Variants in PIGN observed in about 807,000 individuals in gnomAD.
PIGN encodes the protein GPI ethanolamine phosphate transferase 1.
PIGN carries 117 observed loss-of-function variants against 125.4 expected under a neutral mutation model. The observed-to-expected ratio is 0.93, with a 90% CI of 0.80 to 1.09. The LOEUF (loss-of-function observed/expected upper bound fraction) is 1.09. PIGN is among the 50% of genes least tolerant of loss of function. The pLI is 0.00. For missense variants in PIGN, 1,075 were observed against 1,094.9 expected (o/e 0.98, Z 0.26); for synonymous variants, 392 against 377.8 (o/e 1.04, Z -0.44).
chr18:62,119,277 A>G (rs942179944), intron 14 of PIGN, among the ~76,000 whole-genome samples: 35 of 152,132 alleles, frequency 2.3e-4, no homozygotes, highest in African/African-American at 7.7e-4. Flanking sequence ...GACTTAACAA[A>G]CAAGACCAAT....
intron 24 of PIGN, among the ~76,000 whole-genome samples, chr18:62,089,617 C>T (rs965052628): frequency 1.4e-4 from 22 of 152,144 alleles, no homozygotes; most frequent in Admixed American, 1.2e-3. Context: ...CTCAAAACTG[C>T]TTTTCATGTA....
downstream of PIGN, among the ~76,000 whole-genome samples, chr18:62,036,706 T>C (rs890494961): frequency 6.6e-6 from 1 of 152,198 alleles, no homozygotes; most frequent in African/African-American, 2.4e-5. Flanking sequence ...GTTAGGACAT[T>C]GCATTTCAGG....
intron 14 of PIGN, among the ~76,000 whole-genome samples, chr18:62,131,968 CAAGTT>C (rs148708309): frequency 0.018 from 2,749 of 151,734 alleles, 82 homozygotes; most frequent in African/African-American, 0.062. Flanking sequence ...TGAATTTTCT[CAAGTT>C]AAGAACAGAC....
chr18:62,109,937 T>C lies in PIGN; in HGVS notation c.1471A>G (p.Ile491Val). ...SHLLPCSFVA[I>V]GILVAFFLLI... ...AGAAAAAATGCTACTAAAATGCCAA[T>C]AGCTACAAAACTACAAGGCAGGAGA... The change falls in exon 17 of 31, where the codon ATT (isoleucine) becomes GTT (valine). Residue 491 changes from isoleucine to valine, a missense_variant. By Grantham distance (29) the Ile-to-Val change is conservative. Around this residue, in one of 3 missense-constraint regions of PIGN, gnomAD observed 915 missense variants for 908.7 expected, o/e 1.01. Transcript: ENST00000640252. 6.2e-7 allele frequency: 1 copy of C among 1,613,324 alleles called. No individual in the cohort carries two copies. Among genetic ancestry groups the C allele is most frequent in the East Asian group, 2.2e-5 (1 of 44,768 alleles).
chr18:62,024,615 C>T (rs951344783), intron 23 of PIGN, among the ~76,000 whole-genome samples: 1 of 152,142 alleles, frequency 6.6e-6, no homozygotes, highest in Non-Finnish European at 1.5e-5. Flanking sequence ...CTTGTCAGGG[C>T]CCCCCTTGTT....
In PIGN at chr18:62,041,645, GT is replaced by G. The variant is rs2030382506; in HGVS notation, c.*4210del. The stretch of plus-strand genomic sequence containing the variant: ...AGGAGCCTACCACCCCGCCGGGTGT[GT>G]GTGTGTGTGTGTGTGTGTGTGTGTG... On this transcript the variant is annotated 3_prime_UTR_variant, in exon 31 of 31. Coordinates refer to ENST00000640252, the MANE Select transcript of PIGN (RefSeq NM_176787.5). 4.0e-5 allele frequency: 3 copies of G among 75,004 alleles called. No homozygotes were observed. The highest frequency in any genetic ancestry group is 1.0e-4 in the African/African-American group (2 of 19,712). 4.6% of individuals were successfully genotyped at this position (75,004 alleles called of 1,614,324 possible).
At chr18:62,046,165 A>G (rs1405506570) in intron 30 of PIGN, among the ~76,000 whole-genome samples, 186 bp from the exon 31 acceptor site, 3 of 152,186 alleles carry the variant, frequency 2.0e-5, no homozygotes, top group Admixed American at 6.5e-5. Context: ...AGGACCTTCA[A>G]GTACAGCTGT....
chr18:62,086,491 C>T (rs2033708961), intron 25 of PIGN, among the ~76,000 whole-genome samples: 1 of 152,126 alleles, frequency 6.6e-6, no homozygotes, highest in Admixed American at 6.5e-5. Flanking sequence ...GTGGTGCACG[C>T]CTATAGTCCC....
intron 14 of PIGN, among the ~76,000 whole-genome samples, chr18:62,115,624 C>T (rs1300143908): frequency 1.7e-5 from 2 of 115,366 alleles, no homozygotes; most frequent in Non-Finnish European, 3.2e-5. Flanking sequence ...AGGACTGAGA[C>T]TTGTACAAAG....
chr18:62,072,817 C>T, intron 29 of PIGN, 92 bp from the exon 30 acceptor site: 1 of 897,940 alleles, frequency 1.1e-6, no homozygotes, highest in East Asian at 2.7e-5. Flanking sequence ...TTTCAGATTT[C>T]TGACTCTAAG....
chr18:62,127,013 G>A (rs950192221), intron 14 of PIGN, among the ~76,000 whole-genome samples: 2 of 152,100 alleles, frequency 1.3e-5, no homozygotes, highest in Non-Finnish European at 2.9e-5. Flanking sequence ...TCTTAAAGCA[G>A]TATTTCTCAA....
At chr18:62,057,188 G>C (rs1820063776) in intron 30 of PIGN, among the ~76,000 whole-genome samples, 1 of 151,858 alleles carries the variant, frequency 6.6e-6, no homozygotes, top group African/African-American at 2.4e-5. Context: ...TGTGTAATTT[G>C]TCTCATTCTA....
chr18:62,138,152 T>G, intron 14 of PIGN, 91 bp downstream of exon 14: 1 of 1,487,658 alleles, frequency 6.7e-7, no homozygotes, highest in Non-Finnish European at 9.0e-7. Flanking sequence ...GCAAACTGTA[T>G]AAGTAAACTA....
At chr18:62,150,128 T>C (rs2036474888) in intron 7 of PIGN, among the ~76,000 whole-genome samples, 1 of 152,072 alleles carries the variant, frequency 6.6e-6, no homozygotes, top group Non-Finnish European at 1.5e-5. Flanking sequence ...ATTTCAGACA[T>C]GCACCACCAT....
At position 62,095,811 on chromosome 18, in the gene PIGN, T is replaced by C. The variant is rs369098566; in HGVS notation, c.2180+37A>G. 3.4e-5 allele frequency: 38 copies of C among 1,124,516 alleles called. No homozygotes were observed. In the South Asian group the frequency reaches 4.1e-4, roughly 12 times the overall value. 69.7% of individuals were successfully genotyped at this position (1,124,516 alleles called of 1,614,324 possible). A position where few individuals can be genotyped will look rare whatever the true frequency, so the allele number is the denominator to read the frequency against. On this transcript the variant is annotated intron_variant, in intron 23 of 30. Coordinates refer to ENST00000640252, the MANE Select transcript of PIGN (RefSeq NM_176787.5). ...AAAATATCAATATATCATTTAAAAC[T>C]TGCTGCTATAAAATTAAATTGTTAA...
chr18:62,057,535 G>A (rs1018609360), intron 30 of PIGN, among the ~76,000 whole-genome samples: 1 of 152,140 alleles, frequency 6.6e-6, no homozygotes, highest in Non-Finnish European at 1.5e-5. Flanking sequence ...ACGATACCAC[G>A]AAAGCCTCTT....
Position 62,116,757 on chromosome 18 carries a change from A to G in PIGN, c.1173-2118T>C, listed in dbSNP as rs144740537. 1.6e-3 allele frequency among the ~76,000 whole-genome samples: 240 copies of G among 152,336 alleles called. 1 individual carries two copies. The highest frequency in any genetic ancestry group is 5.4e-3 in the African/African-American group (224 of 41,592). On this transcript the variant is annotated intron_variant, in intron 14 of 30. Transcript: ENST00000640252. ...ACATAAAATGAATCAATAAATTTTG[A>G]ATACAATGCTATCAAAATATTGCAG...
At chr18:62,101,507 T>G (rs1272975323) in intron 21 of PIGN, among the ~76,000 whole-genome samples, 1 of 152,222 alleles carries the variant, frequency 6.6e-6, no homozygotes, top group Non-Finnish European at 1.5e-5. Flanking sequence ...CTGGATACAT[T>G]CTGTCAAAGC....
chr18:62,143,761 G>T (rs2036220137), intron 10 of PIGN, among the ~76,000 whole-genome samples: 1 of 152,112 alleles, frequency 6.6e-6, no homozygotes, highest in African/African-American at 2.4e-5. Flanking sequence ...CTCTGTGATG[G>T]CAGTTCCTCC....
Sources: allele counts gnomAD v4.1 joint callset (sites outside exome capture counted in the v4.1 genomes callset), GRCh38; gene constraint gnomAD v4.1.1; regional missense constraint gnomAD v4.1.1; transcripts MANE v1.5; gene names NCBI Gene and HGNC (gene_info 2026-07-23, HGNC 2026-07-21).